IL1RAPL1: variants seen among roughly 807,000 people sequenced by gnomAD.
The protein encoded by IL1RAPL1 is interleukin 1 receptor accessory protein like 1, also known as interleukin-1 receptor accessory protein-like 1.
Under a neutral mutation model 48.4 loss-of-function variants are expected in IL1RAPL1, and 3 were observed. The observed-to-expected ratio is 0.06, with a 90% CI of 0.03 to 0.16. The LOEUF is 0.16. Among genes scored for constraint, IL1RAPL1 ranks in the 10% least tolerant of loss-of-function variants. The pLI is 1.00. For synonymous variants in IL1RAPL1, 185 were observed against 187.7 expected (o/e 0.99, Z 0.12); for missense variants, 349 against 530.6 (o/e 0.66, Z 3.36).
chrX:29,594,552 C>G (rs1167434757), intron 5 of IL1RAPL1, among the ~76,000 whole-genome samples: 1 of 110,827 alleles, frequency 9.0e-6, no homozygotes, highest in African/African-American at 3.3e-5. Context: ...CTTCATGAAA[C>G]CATTCAGAAC....
chrX:28,742,284 C>T (rs753260119), intron 1 of IL1RAPL1, among the ~76,000 whole-genome samples: 3 of 111,086 alleles, frequency 2.7e-5, no homozygotes, highest in Admixed American at 9.7e-5. Flanking sequence ...CCAGACAAGA[C>T]GGCAACCAAA....
At chrX:29,611,955 A>G (rs1924110139) in intron 5 of IL1RAPL1, among the ~76,000 whole-genome samples, 1 of 111,201 alleles carries the variant, frequency 9.0e-6, no homozygotes, top group African/African-American at 3.3e-5. Flanking sequence ...CTTCTCTGCT[A>G]TACCACTCTG....
intron 6 of IL1RAPL1, among the ~76,000 whole-genome samples, chrX:29,731,760 A>G (rs1291976553): frequency 1.8e-5 from 2 of 112,102 alleles, no homozygotes; most frequent in African/African-American, 6.5e-5. Context: ...CTTACTAAGC[A>G]TGCTTGAAAA....
At chrX:29,235,699 C>A (rs1259303141) in intron 2 of IL1RAPL1, among the ~76,000 whole-genome samples, 1 of 111,991 alleles carries the variant, frequency 8.9e-6, no homozygotes, top group East Asian at 2.8e-4. Flanking sequence ...AGTCTTGTTT[C>A]TTGCATTGAA....
rs1415552151 is a variant in IL1RAPL1 at position 28,809,999 on chromosome X, A to G, written c.82+20574A>G. ...ATATATACCATATAAAGAAGCACAG[A>G]TGACTTCTAAGTTTTATGAGTAACT... On this transcript the variant is annotated intron_variant, in intron 2 of 10. Transcript: ENST00000378993. 2.8e-5 allele frequency among the ~76,000 whole-genome samples: 3 copies of G among 108,735 alleles called. No homozygotes were observed. The East Asian group carries it at 8.7e-4, about 31-fold the overall frequency. The allele number at this position is 108,735 out of a possible 115,157, so 94.4% of individuals were successfully genotyped here.
At chrX:29,013,943 T>C (rs1354085721) in intron 2 of IL1RAPL1, among the ~76,000 whole-genome samples, 2 of 111,744 alleles carry the variant, frequency 1.8e-5, no homozygotes, top group African/African-American at 6.5e-5. Context: ...TTGGGTATGC[T>C]CAAGGCATTT....
chrX:29,133,769 A>G (rs225063), intron 2 of IL1RAPL1, among the ~76,000 whole-genome samples: 39,100 of 110,783 alleles, frequency 0.35, 6,146 homozygotes, highest in Non-Finnish European at 0.49. Flanking sequence ...ACATGATGTC[A>G]TGTGTCACCA....
intron 1 of IL1RAPL1, among the ~76,000 whole-genome samples, chrX:28,673,335 A>G (rs1047974619): frequency 8.9e-5 from 10 of 112,232 alleles, no homozygotes; most frequent in African/African-American, 3.2e-4. Flanking sequence ...CACCATATAC[A>G]AAAGTTAACT....
At chrX:28,855,407 T>C (rs1356006617) in intron 2 of IL1RAPL1, among the ~76,000 whole-genome samples, 1 of 111,198 alleles carries the variant, frequency 9.0e-6, no homozygotes, top group Non-Finnish European at 1.9e-5. Flanking sequence ...AAAAAAAAGA[T>C]CATATAATCA....
chrX:29,146,151 C>A (rs1179984716), intron 2 of IL1RAPL1, among the ~76,000 whole-genome samples: 1 of 111,906 alleles, frequency 8.9e-6, no homozygotes, highest in Non-Finnish European at 1.9e-5. Context: ...CCTGGCCTGA[C>A]CTCATCTACC....
chrX:29,836,254 G>A (rs1254182208), intron 6 of IL1RAPL1, among the ~76,000 whole-genome samples: 2 of 101,555 alleles, frequency 2.0e-5, no homozygotes, highest in Non-Finnish European at 3.9e-5. Flanking sequence ...GCAGTGGCAT[G>A]ATCTTGGCTC....
intron 3 of IL1RAPL1, among the ~76,000 whole-genome samples, chrX:29,304,552 G>A (rs1040570912): frequency 8.9e-6 from 1 of 112,119 alleles, no homozygotes; most frequent in African/African-American, 3.2e-5. Flanking sequence ...GATGTATGAT[G>A]TCAGAAATTT....
chrX:28,888,386 A>G (rs1050723327), intron 2 of IL1RAPL1, among the ~76,000 whole-genome samples: 1 of 112,181 alleles, frequency 8.9e-6, no homozygotes, highest in African/African-American at 3.2e-5. Flanking sequence ...ACCCCACTTT[A>G]GCCTTAGCAG....
chrX:29,528,504 A>G (rs1204689960), intron 5 of IL1RAPL1, among the ~76,000 whole-genome samples: 1 of 112,632 alleles, frequency 8.9e-6, no homozygotes, highest in African/African-American at 3.2e-5. Flanking sequence ...GTAAAAAATT[A>G]CCACAAATTT....
At chrX:29,884,275 A>G (rs1932092301) in intron 6 of IL1RAPL1, among the ~76,000 whole-genome samples, 2 of 111,440 alleles carry the variant, frequency 1.8e-5, no homozygotes, top group African/African-American at 6.5e-5. Flanking sequence ...CACAATAGGT[A>G]GCGTATAATA....
At chrX:28,959,372 C>A (rs983324767) in intron 2 of IL1RAPL1, among the ~76,000 whole-genome samples, 6 of 111,082 alleles carry the variant, frequency 5.4e-5, no homozygotes, top group African/African-American at 2.0e-4. Flanking sequence ...AATGGAAATT[C>A]ATTGGAATGT....
chrX:28,677,444 A>T (rs1278561558), intron 1 of IL1RAPL1, among the ~76,000 whole-genome samples: 1 of 111,944 alleles, frequency 8.9e-6, no homozygotes, highest in Admixed American at 9.5e-5. Flanking sequence ...ATTGATTCGT[A>T]TGTCTTTGTT....
intron 6 of IL1RAPL1, among the ~76,000 whole-genome samples, chrX:29,840,728 A>T (rs1469810654): frequency 8.9e-6 from 1 of 111,798 alleles, no homozygotes; most frequent in Non-Finnish European, 1.9e-5. Flanking sequence ...TCAGAGATAG[A>T]TAGAATTATA....
At chrX:28,808,940 A>G (rs1936760967) in intron 2 of IL1RAPL1, among the ~76,000 whole-genome samples, 1 of 110,936 alleles carries the variant, frequency 9.0e-6, no homozygotes, top group African/African-American at 3.3e-5. Context: ...TCAATGGTTT[A>G]ACAGGCTAAA....
Sources: allele counts gnomAD v4.1 joint callset (sites outside exome capture counted in the v4.1 genomes callset), GRCh38; gene constraint gnomAD v4.1.1; transcripts MANE v1.5; gene names NCBI Gene and HGNC (gene_info 2026-07-23, HGNC 2026-07-21).